The following MGAT4C variants were observed in gnomAD, a reference collection of about 807,000 sequenced individuals.
MGAT4C encodes MGAT4 family member C.
In MGAT4C, 19 loss-of-function variants were observed where a neutral mutation model predicts 40.1. The ratio of observed to expected loss-of-function variants is 0.47; its 90% CI spans 0.33 to 0.70. The LOEUF (loss-of-function observed/expected upper bound fraction) is 0.70, where lower values mean the gene tolerates loss of function less well. Among genes scored for constraint, MGAT4C ranks in the 30% least tolerant of loss-of-function variants. MGAT4C has a pLI of 0.02. For synonymous variants in MGAT4C, 181 were observed against 187.1 expected (o/e 0.97, Z 0.27); for missense variants, 491 against 563.2 (o/e 0.87, Z 1.30).
Position 86,630,933 on chromosome 12 carries a change from G to A in MGAT4C, c.-229+96276C>T, listed in dbSNP as rs995623010. 4.8e-4 allele frequency among the ~76,000 whole-genome samples: 73 copies of A among 152,086 alleles called. 1 individual carries two copies. The highest frequency in any genetic ancestry group is 1.2e-3 in the African/African-American group (49 of 41,412). ...ATCAGGCAAGAGAAAGAAATAAAGCGTATTCAATTAGGAAAAGAGGAAGTC... is the reference window on the plus strand; with the variant it reads ...ATCAGGCAAGAGAAAGAAATAAAGCATATTCAATTAGGAAAAGAGGAAGTC... On this transcript the variant is annotated intron_variant, in intron 2 of 7. Transcript: ENST00000548651.
chr12:86,282,992 A>G (rs1275122727), intron 4 of MGAT4C, among the ~76,000 whole-genome samples: 1 of 152,080 alleles, frequency 6.6e-6, no homozygotes, highest in East Asian at 1.9e-4. Context: ...CTTTCAATAT[A>G]TCATCTTGGG....
chr12:86,482,103 AG>A (rs1187399252), intron 2 of MGAT4C, among the ~76,000 whole-genome samples: 4 of 71,346 alleles, frequency 5.6e-5, no homozygotes, highest in South Asian at 6.0e-4. Flanking sequence ...CACACACACA[AG>A]CAAGTCTTCT....
intron 1 of MGAT4C, among the ~76,000 whole-genome samples, chr12:86,763,519 A>G (rs1951442024): frequency 6.6e-6 from 1 of 152,218 alleles, no homozygotes; most frequent in Non-Finnish European, 1.5e-5. Context: ...GAAAGCAGAA[A>G]TCATTTTATA....
chr12:86,262,796 G>T (rs1331884697), intron 4 of MGAT4C, among the ~76,000 whole-genome samples: 1 of 151,990 alleles, frequency 6.6e-6, no homozygotes, highest in East Asian at 1.9e-4. Context: ...TCTGCCTGCA[G>T]TCAGAATTAG....
intron 1 of MGAT4C, among the ~76,000 whole-genome samples, chr12:86,740,100 C>G (rs990905949): frequency 6.6e-6 from 1 of 151,042 alleles, no homozygotes; most frequent in African/African-American, 2.4e-5. Flanking sequence ...TGTTCATTTT[C>G]ATTTTAGCAA....
At chr12:86,723,363 A>G (rs1164049258) in intron 2 of MGAT4C, among the ~76,000 whole-genome samples, 1 of 152,188 alleles carries the variant, frequency 6.6e-6, no homozygotes. Flanking sequence ...TGATTGGCTA[A>G]GAACATCAGA....
At chr12:86,834,177 TATA>T (rs1952989988) in intron 1 of MGAT4C, among the ~76,000 whole-genome samples, 1 of 3,106 alleles carries the variant, frequency 3.2e-4, no homozygotes, top group Non-Finnish European at 6.3e-4. Context: ...GATAGATAGA[TATA>T]GATATAGATA....
intron 1 of MGAT4C, among the ~76,000 whole-genome samples, chr12:86,165,119 T>C (rs1318741978): frequency 3.9e-5 from 6 of 152,072 alleles, no homozygotes; most frequent in African/African-American, 4.8e-5. Context: ...TAGTCACATA[T>C]TGGCTATTGG....
intron 2 of MGAT4C, among the ~76,000 whole-genome samples, chr12:86,676,492 A>T (rs1231601681): frequency 6.6e-6 from 1 of 152,164 alleles, no homozygotes; most frequent in Non-Finnish European, 1.5e-5. Context: ...GGATAGAAAC[A>T]TTAGAACATA....
intron 1 of MGAT4C, among the ~76,000 whole-genome samples, chr12:86,072,330 T>G (rs1868694196): frequency 6.6e-6 from 1 of 152,008 alleles, no homozygotes; most frequent in African/African-American, 2.4e-5. Context: ...TTTTTTTTGT[T>G]AGCTGTTTTT....
intron 4 of MGAT4C, among the ~76,000 whole-genome samples, chr12:86,274,615 G>A (rs1298385407): frequency 1.3e-5 from 2 of 152,158 alleles, no homozygotes; most frequent in Admixed American, 1.3e-4. Flanking sequence ...AGAACTCCTG[G>A]GCAGATTTAC....
At chr12:86,593,898 G>A (rs1322534276) in intron 2 of MGAT4C, among the ~76,000 whole-genome samples, 3 of 152,088 alleles carry the variant, frequency 2.0e-5, no homozygotes. Flanking sequence ...ACCTCTGGTG[G>A]TGGGAGTAGA....
intron 1 of MGAT4C, among the ~76,000 whole-genome samples, chr12:86,124,907 T>C (rs947211026): frequency 1.3e-5 from 2 of 152,140 alleles, no homozygotes; most frequent in African/African-American, 2.4e-5. Flanking sequence ...ATTGATAATA[T>C]TTGTATCAGT....
At chr12:86,183,595 T>C (rs1888364393) in intron 1 of MGAT4C, among the ~76,000 whole-genome samples, 2 of 152,120 alleles carry the variant, frequency 1.3e-5, no homozygotes, top group Non-Finnish European at 2.9e-5. Context: ...ATAAATTGAG[T>C]GGTGTAAACA....
chr12:86,364,742 G>T (rs370462478), intron 3 of MGAT4C, among the ~76,000 whole-genome samples: 1 of 151,780 alleles, frequency 6.6e-6, no homozygotes, highest in African/African-American at 2.4e-5. Flanking sequence ...GTTCTGTGAT[G>T]CCCCCTGAGC....
intron 2 of MGAT4C, among the ~76,000 whole-genome samples, chr12:86,435,559 T>G (rs1022820835): frequency 6.6e-6 from 1 of 151,984 alleles, no homozygotes; most frequent in East Asian, 1.9e-4. Context: ...GTCTGGTACG[T>G]AAATTTACTT....
intron 1 of MGAT4C, among the ~76,000 whole-genome samples, chr12:86,114,082 T>C (rs1877929315): frequency 6.6e-6 from 1 of 151,916 alleles, no homozygotes; most frequent in Non-Finnish European, 1.5e-5. Context: ...CTAACTTCTG[T>C]AAGTATTTTT....
At position 86,332,316 on chromosome 12, in the gene MGAT4C, C is replaced by T. The variant is rs1347321022; in HGVS notation, c.-57+1749G>A. On this transcript the variant is annotated intron_variant, in intron 4 of 7. Transcript: ENST00000548651. ...TGCACAGAATGAAGCACACTTAAAA[C>T]TCAAGGAAAGATATTAGGTTTTAGT... 2.6e-5 allele frequency among the ~76,000 whole-genome samples: 4 copies of T among 151,832 alleles called. No homozygotes were observed. The East Asian group carries it at 7.7e-4, about 29-fold the overall frequency.
At chr12:86,243,451 C>T (rs560620194) in intron 1 of MGAT4C, among the ~76,000 whole-genome samples, 2 of 152,266 alleles carry the variant, frequency 1.3e-5, no homozygotes, top group South Asian at 4.1e-4. Flanking sequence ...GAACCTGTGA[C>T]TTACAGCCAA....
Sources: allele counts gnomAD v4.1 joint callset (sites outside exome capture counted in the v4.1 genomes callset), GRCh38; gene constraint gnomAD v4.1.1; transcripts MANE v1.5; gene names NCBI Gene and HGNC (gene_info 2026-07-23, HGNC 2026-07-21).